LDLRAD1: variants seen among roughly 807,000 people sequenced by gnomAD.
The protein encoded by LDLRAD1 is low-density lipoprotein receptor class A domain-containing protein 1.
In LDLRAD1, 17 loss-of-function variants were observed where a neutral mutation model predicts 24.8. The observed-to-expected ratio is 0.69, with a 90% CI of 0.47 to 1.03. LDLRAD1 has a LOEUF of 1.03. LDLRAD1 is among the 50% of genes least tolerant of loss of function. The pLI is 0.00. For missense variants in LDLRAD1, 277 were observed against 271.0 expected, an observed-to-expected ratio of 1.02 and a Z score of -0.16; for synonymous variants, 103 against 108.2, an observed-to-expected ratio of 0.95 and a Z score of 0.30.
intron 2 of LDLRAD1, 59 bp from the exon 3 acceptor site, chr1:54,014,423 A>T (rs1656210750): frequency 1.3e-6 from 2 of 1,484,704 alleles, no homozygotes; most frequent in Admixed American, 3.9e-5. Context: ...CGCTAGGAAC[A>T]GGGAGCTCCC....
chr1:54,012,027 CA>C, intron 4 of LDLRAD1, 115 bp downstream of exon 4: 2 of 1,246,682 alleles, frequency 1.6e-6, no homozygotes, highest in Non-Finnish European at 2.3e-6. Context: ...TGGATGAAGG[CA>C]CTGGAGCATC....
chr1:54,012,818 C>T (rs1656117006), intron 3 of LDLRAD1, among the ~76,000 whole-genome samples: 1 of 152,136 alleles, frequency 6.6e-6, no homozygotes, highest in South Asian at 2.1e-4. Context: ...GTTCCCCAAA[C>T]ACCCCTGCGA....
In LDLRAD1 at chr1:54,008,388, G is replaced by T. The variant is rs1396423405; in HGVS notation, c.*594C>A. On this transcript the variant is annotated 3_prime_UTR_variant, in exon 6 of 6. Coordinates refer to ENST00000371360, the MANE Select transcript of LDLRAD1 (RefSeq NM_001010978.4). ...GTGCCATCCATGAAGGCTAAACTCG[G>T]CTTGTCATTTAAGCCCCAGACATGT... The T allele has an allele frequency of 6.6e-6, 1 of 152,182 alleles. No homozygotes were observed. Among genetic ancestry groups the T allele is most frequent in the Non-Finnish European group, 1.5e-5 (1 of 68,076 alleles). 9.4% of individuals were successfully genotyped at this position (152,182 alleles called of 1,614,324 possible). A position where few individuals can be genotyped will look rare whatever the true frequency, so the allele number is the denominator to read the frequency against.
chr1:54,015,977 A>T (rs1336508413), intron 2 of LDLRAD1, among the ~76,000 whole-genome samples: 1 of 152,114 alleles, frequency 6.6e-6, no homozygotes, highest in African/African-American at 2.4e-5. Context: ...ACACTCTGTG[A>T]ATATGCCGAC....
At position 54,014,477 on chromosome 1, in the gene LDLRAD1, G is replaced by A. The variant is rs1038006943; in HGVS notation, c.74-113C>T. ...CAAGCAGCCTCTCCCCCACGAGGGT[G>A]AGCAGAGCAGGGATGGCTTCCCTGG... is the stretch of plus-strand genomic sequence containing the variant. On this transcript the variant is annotated intron_variant, in intron 2 of 5. Transcript: ENST00000371360. 16 of 1,049,562 alleles carry A rather than the reference G, an allele frequency of 1.5e-5. No individual in the cohort carries two copies. In the African/African-American group the frequency reaches 2.5e-4, roughly 16 times the overall value. The allele number at this position is 1,049,562 out of a possible 1,614,324, so 65.0% of individuals were successfully genotyped here. A position where few individuals can be genotyped will look rare whatever the true frequency, so the allele number is the denominator to read the frequency against.
chr1:54,016,407 G>A (rs1180312165), intron 2 of LDLRAD1, among the ~76,000 whole-genome samples: 1 of 152,204 alleles, frequency 6.6e-6, no homozygotes, highest in Admixed American at 6.5e-5. Context: ...AAATATTTGT[G>A]CAGCACAGAC....
chr1:54,012,970 G>A (rs146102404), intron 3 of LDLRAD1, among the ~76,000 whole-genome samples: 180 of 152,270 alleles, frequency 1.2e-3, no homozygotes, highest in Non-Finnish European at 1.9e-3. Flanking sequence ...TGCATAATTG[G>A]GGATGGGAGC....
At chr1:54,014,468 C>A (rs185429980) in intron 2 of LDLRAD1, 104 bp from the exon 3 acceptor site, 44 of 1,141,340 alleles carry the variant, frequency 3.9e-5, no homozygotes, top group East Asian at 7.7e-5. Context: ...GCCTCTCCCC[C>A]ACGAGGGTGA....
chr1:54,014,161 G>T, intron 3 of LDLRAD1, 75 bp downstream of exon 3: 1 of 1,519,656 alleles, frequency 6.6e-7, no homozygotes, highest in Non-Finnish European at 8.9e-7. Context: ...AGGCAGGTCG[G>T]GGCTCCCTCA....
rs1005466894 is a variant in LDLRAD1 at position 54,008,631 on chromosome 1, C to A, written c.*351G>T. The A allele has an allele frequency of 4.5e-5, 9 of 201,582 alleles. No homozygotes were observed. The South Asian group carries it at 6.7e-4, about 15-fold the overall frequency. 12.5% of individuals were successfully genotyped at this position (201,582 alleles called of 1,614,324 possible). A position where few individuals can be genotyped will look rare whatever the true frequency, so the allele number is the denominator to read the frequency against. On this transcript the variant is annotated 3_prime_UTR_variant, in exon 6 of 6. Transcript: ENST00000371360. ...GTGGTGTGGTCACAGCTCACTGCAG[C>A]CTTGACCTCCTGGGTTCACACAGTC...
chr1:54,014,130 A>G, intron 3 of LDLRAD1, 106 bp downstream of exon 3: 1 of 1,375,982 alleles, frequency 7.3e-7, no homozygotes, highest in Non-Finnish European at 9.9e-7. Context: ...AATTAGTCCA[A>G]AGTCACCTGG....
intron 3 of LDLRAD1, among the ~76,000 whole-genome samples, chr1:54,013,719 C>A (rs901149191): frequency 6.6e-6 from 1 of 152,188 alleles, no homozygotes; most frequent in Non-Finnish European, 1.5e-5. Flanking sequence ...ACTCTCAGGG[C>A]TCCCAGGGAC....
intron 1 of LDLRAD1, among the ~76,000 whole-genome samples, chr1:54,017,751 C>A (rs1656373146): frequency 6.6e-6 from 1 of 152,148 alleles, no homozygotes; most frequent in South Asian, 2.1e-4. Context: ...GCCGCTCTTC[C>A]CTCCTGTCCA....
intron 4 of LDLRAD1, 29 bp downstream of exon 4, chr1:54,012,114 G>A: frequency 6.2e-7 from 1 of 1,611,112 alleles, no homozygotes; most frequent in East Asian, 2.2e-5. Context: ...GGGAACCCCT[G>A]GGAGGGGCAG....
rs983217940 is a variant in LDLRAD1, at chr1:54,016,259, A to G, written c.73+1117T>C. Among the ~76,000 whole-genome samples, 21 of 152,284 alleles carry G rather than the reference A, an allele frequency of 1.4e-4. No individual in the cohort carries two copies. The East Asian group carries it at 1.5e-3, about 11-fold the overall frequency. On this transcript the variant is annotated intron_variant, in intron 2 of 5. Transcript: ENST00000371360. ...GGGAGACAATAGCAGGAGAGGCAGC[A>G]TAAATCTAAAACCTGTCATCCCTAC...
intron 5 of LDLRAD1, 28 bp from the exon 6 acceptor site, chr1:54,009,158 C>A (rs771817715): frequency 5.0e-6 from 8 of 1,610,874 alleles, no homozygotes; most frequent in Admixed American, 1.7e-5. Context: ...AGCAGGAGAG[C>A]AGTTGCTGTG....
At chr1:54,009,215 G>T in intron 5 of LDLRAD1, 85 bp from the exon 6 acceptor site, 1 of 1,326,042 alleles carries the variant, frequency 7.5e-7, no homozygotes, top group Non-Finnish European at 1.1e-6. Flanking sequence ...TCTGAAACCT[G>T]CCGTAGCTCC....
chr1:54,012,929 G>A (rs1259742708), intron 3 of LDLRAD1, among the ~76,000 whole-genome samples: 1 of 152,174 alleles, frequency 6.6e-6, no homozygotes, highest in South Asian at 2.1e-4. Flanking sequence ...CAAGGTAGGA[G>A]GAACCCCTTG....
intron 4 of LDLRAD1, among the ~76,000 whole-genome samples, chr1:54,010,691 C>T (rs890670868): frequency 8.5e-5 from 13 of 152,114 alleles, no homozygotes; most frequent in Non-Finnish European, 1.2e-4. Context: ...ACACTATGCC[C>T]CCCTCCACAA....
Sources: allele counts gnomAD v4.1 joint callset (sites outside exome capture counted in the v4.1 genomes callset), GRCh38; gene constraint gnomAD v4.1.1; transcripts MANE v1.5; gene names NCBI Gene and HGNC (gene_info 2026-07-23, HGNC 2026-07-21).